The following RORA variants were observed in gnomAD, a reference collection of about 807,000 sequenced individuals.
RORA encodes the protein nuclear receptor ROR-alpha.
A neutral mutation model predicts 69.5 loss-of-function variants in RORA; 7 were observed. That is an observed-to-expected ratio of 0.10 (90% CI 0.06 to 0.19). The LOEUF (loss-of-function observed/expected upper bound fraction) is 0.19, where lower values mean the gene tolerates loss of function less well. Among genes scored for constraint, RORA ranks in the 10% least tolerant of loss-of-function variants. The pLI, the probability that RORA is intolerant of heterozygous loss-of-function variation, is 1.00. For missense variants in RORA, 457 were observed against 663.0 expected (o/e 0.69, Z 3.41); for synonymous variants, 261 against 240.8 (o/e 1.08, Z -0.78).
At chr15:61,171,862 AG>A (rs777517264) in intron 1 of RORA, among the ~76,000 whole-genome samples, 2 of 152,204 alleles carry the variant, frequency 1.3e-5, no homozygotes, top group African/African-American at 4.8e-5. Flanking sequence ...TGCCTTTAAA[AG>A]GGCAAAGGTT....
At chr15:60,579,992 A>C (rs1451919228) in intron 2 of RORA, among the ~76,000 whole-genome samples, 1 of 152,206 alleles carries the variant, frequency 6.6e-6, no homozygotes, top group Admixed American at 6.5e-5. Context: ...CTATTTTTCA[A>C]TAGCACTTAA....
chr15:60,959,526 T>C (rs1348812744), intron 1 of RORA, among the ~76,000 whole-genome samples: 1 of 152,180 alleles, frequency 6.6e-6, no homozygotes, highest in Non-Finnish European at 1.5e-5. Context: ...ATAAAAGGGT[T>C]CTTTACAAAA....
At chr15:61,059,909 A>G (rs1338244148) in intron 1 of RORA, among the ~76,000 whole-genome samples, 1 of 2,802 alleles carries the variant, frequency 3.6e-4, no homozygotes, top group Non-Finnish European at 7.4e-4. Context: ...GTTCCACACG[A>G]AGAAGAAGAA....
chr15:61,042,228 A>G (rs951676362), intron 1 of RORA, among the ~76,000 whole-genome samples: 1 of 152,236 alleles, frequency 6.6e-6, no homozygotes, highest in African/African-American at 2.4e-5. Flanking sequence ...ATATACAGAT[A>G]GGCTATGTGG....
At chr15:61,058,427 T>C (rs890020993) in intron 1 of RORA, among the ~76,000 whole-genome samples, 1 of 152,048 alleles carries the variant, frequency 6.6e-6, no homozygotes, top group Admixed American at 6.5e-5. Flanking sequence ...CTGGATAACT[T>C]TGAAGGAAGT....
intron 2 of RORA, among the ~76,000 whole-genome samples, chr15:60,577,967 A>G (rs1214154263): frequency 1.3e-5 from 2 of 152,212 alleles, no homozygotes; most frequent in African/African-American, 4.8e-5. Flanking sequence ...GTATGTGAAG[A>G]AAATCTGGCC....
At chr15:60,669,836 C>A (rs939756056) in intron 2 of RORA, among the ~76,000 whole-genome samples, 30 of 152,172 alleles carry the variant, frequency 2.0e-4, no homozygotes, top group African/African-American at 7.2e-4. Context: ...GCAATTCTTT[C>A]ATTACTGAAA....
chr15:61,044,046 A>G (rs1896911158), intron 1 of RORA, among the ~76,000 whole-genome samples: 2 of 152,000 alleles, frequency 1.3e-5, no homozygotes, highest in South Asian at 4.2e-4. Flanking sequence ...CCCCTCCCTA[A>G]CTCACCTGTA....
chr15:61,180,940 C>T (rs1438834906), intron 1 of RORA, among the ~76,000 whole-genome samples: 1 of 151,996 alleles, frequency 6.6e-6, no homozygotes, highest in African/African-American at 2.4e-5. Flanking sequence ...CTCTTCTCTA[C>T]TAAAAATATA....
rs1163239855 is a variant in RORA, at chr15:61,125,434, G to A, written c.166+103619C>T. ...CAAAATATGTCTATTCCACTAACCC[G>A]ACAAAAAGAGCACAGTGGTGTGAAA... On this transcript the variant is annotated intron_variant, in intron 1 of 10. Coordinates refer to ENST00000335670, the MANE Select transcript of RORA (RefSeq NM_134261.3). Among the ~76,000 whole-genome samples, 5 of 152,200 alleles carry A rather than the reference G, an allele frequency of 3.3e-5. No individual in the cohort carries two copies. The South Asian group carries it at 1.0e-3, about 32-fold the overall frequency.
chr15:60,788,490 CTT>C (rs2072371387), intron 1 of RORA, among the ~76,000 whole-genome samples: 1 of 152,224 alleles, frequency 6.6e-6, no homozygotes, highest in Admixed American at 6.5e-5. Flanking sequence ...GACCTATCAT[CTT>C]TCTTTTTCTT....
intron 1 of RORA, among the ~76,000 whole-genome samples, chr15:61,189,087 C>T (rs1364875135): frequency 1.3e-5 from 2 of 152,164 alleles, no homozygotes; most frequent in East Asian, 3.9e-4. Flanking sequence ...GAGCAAGGAG[C>T]CCCTGCTTCT....
At chr15:60,832,314 A>G (rs2073052983) in intron 1 of RORA, among the ~76,000 whole-genome samples, 1 of 152,282 alleles carries the variant, frequency 6.6e-6, no homozygotes, top group African/African-American at 2.4e-5. Context: ...TCCTGGTTTT[A>G]GCATTAAGAG....
intron 1 of RORA, among the ~76,000 whole-genome samples, chr15:60,777,340 T>G (rs77127722): frequency 6.6e-6 from 1 of 152,176 alleles, no homozygotes; most frequent in African/African-American, 2.4e-5. Flanking sequence ...GGAAAATTGA[T>G]AGCCTAGATA....
At chr15:60,544,103 A>C (rs2066992649) in intron 2 of RORA, among the ~76,000 whole-genome samples, 1 of 152,158 alleles carries the variant, frequency 6.6e-6, no homozygotes, top group African/African-American at 2.4e-5. Flanking sequence ...AGTGAGCAAA[A>C]TTCACCAAAT....
Position 60,680,069 on chromosome 15 carries a change from G to A in RORA, c.167-1383C>T, listed in dbSNP as rs1464004994. On this transcript the variant is annotated intron_variant, in intron 1 of 10. Coordinates refer to ENST00000335670, the MANE Select transcript of RORA (RefSeq NM_134261.3). The stretch of plus-strand genomic sequence containing the variant: ...AGAATTTTTTGAAATAACCTTTATC[G>A]TGGGAAGGGAACTTCCCCCAGCAGC... Among the ~76,000 whole-genome samples, 3 of 152,196 alleles carry A rather than the reference G, an allele frequency of 2.0e-5. 1 individual carries two copies. In the South Asian group the frequency reaches 6.2e-4, roughly 32 times the overall value.
intron 1 of RORA, among the ~76,000 whole-genome samples, chr15:61,156,978 C>A (rs958866652): frequency 6.6e-6 from 1 of 152,130 alleles, no homozygotes; most frequent in South Asian, 2.1e-4. Flanking sequence ...TCTAAATCAG[C>A]CAAACAATAG....
chr15:60,591,612 A>C (rs1209164763), intron 2 of RORA, among the ~76,000 whole-genome samples: 1 of 151,402 alleles, frequency 6.6e-6, no homozygotes, highest in Non-Finnish European at 1.5e-5. Flanking sequence ...GTCGGCCCTC[A>C]CCACGGTCTA....
At chr15:61,098,180 G>A (rs1158181298) in intron 1 of RORA, among the ~76,000 whole-genome samples, 1 of 80,704 alleles carries the variant, frequency 1.2e-5, no homozygotes, top group Non-Finnish European at 2.3e-5. Flanking sequence ...CCCCTTCCCT[G>A]CCTCCCTCCC....
Sources: allele counts gnomAD v4.1 joint callset (sites outside exome capture counted in the v4.1 genomes callset), GRCh38; gene constraint gnomAD v4.1.1; transcripts MANE v1.5; gene names NCBI Gene and HGNC (gene_info 2026-07-23, HGNC 2026-07-21).